Variants in SGTB observed in about 807,000 individuals in gnomAD.
SGTB encodes the protein small glutamine-rich tetratricopeptide repeat-containing protein beta.
Under a neutral mutation model 43.9 loss-of-function variants are expected in SGTB, and 19 were observed. That is an observed-to-expected ratio of 0.43 (90% CI 0.30 to 0.63). SGTB has a LOEUF of 0.63. SGTB is among the 30% of genes least tolerant of loss of function. SGTB has a pLI of 0.12. For synonymous variants in SGTB, 116 were observed against 117.3 expected, an observed-to-expected ratio of 0.99 and a Z score of 0.07; for missense variants, 304 against 358.9, an observed-to-expected ratio of 0.85 and a Z score of 1.24.
chr5:65,710,146 A>G (rs1009251998), intron 3 of SGTB, among the ~76,000 whole-genome samples: 2 of 152,208 alleles, frequency 1.3e-5, no homozygotes, highest in Non-Finnish European at 2.9e-5. Flanking sequence ...TCCTAAGTAG[A>G]GGTCACTGCT....
In SGTB at chr5:65,713,017, T is replaced by C; in HGVS notation, c.148A>G (p.Thr50Ala). 6.2e-7 allele frequency: 1 copy of C among 1,613,928 alleles called. No homozygotes were observed. Among genetic ancestry groups the C allele is most frequent in the Non-Finnish European group, 8.5e-7 (1 of 1,179,922 alleles). ...AAAGGCTGTGAAACTGCTAGGTGTGTATCTTCTGGGCTGATCTTAAAAACT... is the reference window on the plus strand; with the variant it reads ...AAAGGCTGTGAAACTGCTAGGTGTGCATCTTCTGGGCTGATCTTAAAAACT... ...ETVFKISPED[T>A]HLAVSQPLTE... is the part of the protein sequence containing the mutation. Residue 50 changes from threonine (T) to alanine (A), a missense_variant, in exon 3 of 11, where the codon ACA becomes GCA. Transcript: ENST00000381007.
At position 65,667,192 on chromosome 5, in the gene SGTB, C is replaced by G. The variant is rs988051866; in HGVS notation, c.*3054G>C. ...CATCTAAGTTGTTAAATATACAATC[C>G]TTGAGTTGGTCATGGTGTTTTCTAG... On this transcript the variant is annotated 3_prime_UTR_variant, in exon 11 of 11. Coordinates refer to ENST00000381007, the MANE Select transcript of SGTB (RefSeq NM_019072.3). 2.6e-5 allele frequency: 4 copies of G among 152,058 alleles called. No individual in the cohort carries two copies. The highest frequency in any genetic ancestry group is 1.5e-5 in the Non-Finnish European group (1 of 67,992). The allele number at this position is 152,058 out of a possible 1,614,324, so 9.4% of individuals were successfully genotyped here. A position where few individuals can be genotyped will look rare whatever the true frequency, so the allele number is the denominator to read the frequency against.
chr5:65,719,942 A>G (rs1292090503), intron 2 of SGTB, among the ~76,000 whole-genome samples: 1 of 152,176 alleles, frequency 6.6e-6, no homozygotes, highest in African/African-American at 2.4e-5. Flanking sequence ...ATTTTTATAT[A>G]TTATTTCTAA....
rs1032824438 is a variant in SGTB at position 65,665,932 on chromosome 5, T to C, written c.*4314A>G. ...GCATTAAATCAAATACAAAAATTGG[T>C]TTTTCAATGCATCATTATTTATTGC... On this transcript the variant is annotated 3_prime_UTR_variant, in exon 11 of 11. Transcript: ENST00000381007. 2.0e-5 allele frequency: 3 copies of C among 152,588 alleles called. No homozygotes were observed. Among genetic ancestry groups the C allele is most frequent in the Non-Finnish European group, 4.4e-5 (3 of 67,992 alleles). 9.5% of individuals were successfully genotyped at this position (152,588 alleles called of 1,614,324 possible). A position where few individuals can be genotyped will look rare whatever the true frequency, so the allele number is the denominator to read the frequency against.
At chr5:65,680,934 A>C in intron 6 of SGTB, 140 bp from the exon 7 acceptor site, 1 of 910,938 alleles carries the variant, frequency 1.1e-6, no homozygotes, top group Non-Finnish European at 1.6e-6. Context: ...ACTATGGCTC[A>C]CGGGAGCAAA....
intron 8 of SGTB, among the ~76,000 whole-genome samples, chr5:65,677,926 C>G (rs1267611533): frequency 2.0e-5 from 3 of 152,126 alleles, no homozygotes; most frequent in Non-Finnish European, 2.9e-5. Context: ...CCTTGAAAAC[C>G]AGCACAAGAC....
chr5:65,672,072 G>C lies in SGTB; in HGVS notation c.720-74C>G, dbSNP rs142115572. ...AAATAGGACAACTGGACGAGGAAAA[G>C]TTAATAAAATACCCATGTTATACCA... On this transcript the variant is annotated intron_variant, in intron 9 of 10. Coordinates refer to ENST00000381007, the MANE Select transcript of SGTB (RefSeq NM_019072.3). 35 of 1,589,204 alleles carry C rather than the reference G, an allele frequency of 2.2e-5. No individual in the cohort carries two copies. The East Asian group carries it at 2.7e-4, about 12-fold the overall frequency.
intron 5 of SGTB, among the ~76,000 whole-genome samples, chr5:65,686,788 C>G (rs1757508143): frequency 6.6e-6 from 1 of 152,168 alleles, no homozygotes; most frequent in South Asian, 2.1e-4. Context: ...AATAAGCACA[C>G]ACGAAAACAA....
intron 5 of SGTB, among the ~76,000 whole-genome samples, chr5:65,697,935 T>TA (rs1418529215): frequency 2.6e-5 from 4 of 152,224 alleles, no homozygotes; most frequent in Non-Finnish European, 5.9e-5. Context: ...TCAAAACCGT[T>TA]ACGCTGAGCA....
chr5:65,688,974 T>C (rs1035915357), intron 5 of SGTB, among the ~76,000 whole-genome samples: 11 of 151,856 alleles, frequency 7.2e-5, no homozygotes, highest in Non-Finnish European at 1.0e-4. Context: ...CACGCCCAGC[T>C]AATTTTTTGT....
chr5:65,710,605 C>T (rs1284304339), intron 3 of SGTB, among the ~76,000 whole-genome samples: 1 of 152,168 alleles, frequency 6.6e-6, no homozygotes, highest in East Asian at 1.9e-4. Flanking sequence ...TTACAACAAT[C>T]GTCATGCTAT....
At chr5:65,691,467 C>T (rs768058959) in intron 5 of SGTB, among the ~76,000 whole-genome samples, 8 of 151,910 alleles carry the variant, frequency 5.3e-5, no homozygotes, top group Non-Finnish European at 8.8e-5. Context: ...GTCTCCCAGG[C>T]TGGAGTGCAG....
chr5:65,717,972 G>A (rs1758182854), intron 2 of SGTB, among the ~76,000 whole-genome samples: 1 of 152,162 alleles, frequency 6.6e-6, no homozygotes, highest in Admixed American at 6.6e-5. Flanking sequence ...TGGAATTTAA[G>A]ATGAGTAAGA....
chr5:65,700,320 GAGAAA>G (rs1269795583), intron 5 of SGTB, among the ~76,000 whole-genome samples: 1 of 152,174 alleles, frequency 6.6e-6, no homozygotes, highest in Non-Finnish European at 1.5e-5. Context: ...ATTGAATGTG[GAGAAA>G]AGAAAAGTGA....
intron 4 of SGTB, among the ~76,000 whole-genome samples, chr5:65,707,650 G>A (rs1757961174): frequency 6.6e-6 from 1 of 151,984 alleles, no homozygotes; most frequent in African/African-American, 2.4e-5. Flanking sequence ...GGCCAGGATG[G>A]TCTTGATCTC....
At chr5:65,716,440 C>A (rs979131269) in intron 2 of SGTB, among the ~76,000 whole-genome samples, 6 of 152,160 alleles carry the variant, frequency 3.9e-5, no homozygotes, top group Non-Finnish European at 7.3e-5. Flanking sequence ...GCAGAGAGAC[C>A]AGTTAGAGGC....
intron 5 of SGTB, among the ~76,000 whole-genome samples, chr5:65,694,394 T>C (rs1757677911): frequency 6.6e-6 from 1 of 152,036 alleles, no homozygotes; most frequent in African/African-American, 2.4e-5. Context: ...ATCGTGCCAC[T>C]GCACTCCAGC....
At chr5:65,680,361 C>A (rs1757370991) in intron 8 of SGTB, 133 bp downstream of exon 8, 1 of 831,014 alleles carries the variant, frequency 1.2e-6, no homozygotes, top group Non-Finnish European at 1.9e-6. Context: ...AAAACAGAAC[C>A]CTGCTATAGC....
Position 65,680,910 on chromosome 5 carries a change from A to G in SGTB, c.480-116T>C, listed in dbSNP as rs980096990. On this transcript the variant is annotated intron_variant, in intron 6 of 10. Coordinates refer to ENST00000381007, the MANE Select transcript of SGTB (RefSeq NM_019072.3). ...TTCAGTTCTAATCCAGATTACACTT[A>G]ATTTATTCACTGTACTATGGCTCAC... The G allele has an allele frequency of 4.3e-6, 5 of 1,154,476 alleles. No individual in the cohort carries two copies. The African/African-American group carries it at 7.8e-5, about 18-fold the overall frequency. 71.5% of individuals were successfully genotyped at this position (1,154,476 alleles called of 1,614,324 possible).
Sources: allele counts gnomAD v4.1 joint callset (sites outside exome capture counted in the v4.1 genomes callset), GRCh38; gene constraint gnomAD v4.1.1; transcripts MANE v1.5; gene names NCBI Gene and HGNC (gene_info 2026-07-23, HGNC 2026-07-21).